The following PLCD4 variants were observed in gnomAD, a reference collection of about 807,000 sequenced individuals.
The protein encoded by PLCD4 is phospholipase C delta 4, also known as 1-phosphatidylinositol 4,5-bisphosphate phosphodiesterase delta-4.
PLCD4 carries 63 observed loss-of-function variants against 90.2 expected under a neutral mutation model. The observed-to-expected ratio is 0.70, with a 90% confidence interval of 0.57 to 0.86. The LOEUF (loss-of-function observed/expected upper bound fraction) is 0.86. Among genes scored for constraint, PLCD4 ranks in the 40% least tolerant of loss-of-function variants. The pLI is 0.00. For synonymous variants in PLCD4, 294 were observed against 356.5 expected, an observed-to-expected ratio of 0.82 and a Z score of 1.97; for missense variants, 830 against 956.3, an observed-to-expected ratio of 0.87 and a Z score of 1.74.
Position 218,632,199 on chromosome 2 carries a change from G to A in PLCD4, c.1336G>A (p.Glu446Lys), listed in dbSNP as rs1421961484. 1 of 1,611,028 alleles carries A rather than the reference G, an allele frequency of 6.2e-7. No individual in the cohort carries two copies. The highest frequency in any genetic ancestry group is 8.5e-7 in the Non-Finnish European group (1 of 1,178,826). The change falls in exon 10 of 16, where the codon GAG becomes AAG. Residue 446 changes from glutamate to lysine, a missense_variant. By Grantham distance (56) the Glu-to-Lys change is moderately conservative. Transcript: ENST00000450993. ...AACACTTGAGGAAGACCTGGAATAT[G>A]AGGAAGAGGAAGCAGAACCTGAGTT... ...KLTLEEDLEY[E>K]EEEAEPELEE...
At position 218,628,133 on chromosome 2, in the gene PLCD4, A is replaced by T. The variant is rs1286556302; in HGVS notation, c.877A>T (p.Thr293Ser). 6.2e-7 allele frequency: 1 copy of T among 1,613,992 alleles called. No homozygotes were observed. Among genetic ancestry groups the T allele is most frequent in the African/African-American group, 1.3e-5 (1 of 75,036 alleles). Residue 293 changes from threonine to serine, a missense_variant, in exon 7 of 16, where the codon ACT (threonine) becomes TCT (serine). By Grantham distance (58) the Thr-to-Ser change is moderately conservative. Coordinates refer to ENST00000450993, the MANE Select transcript of PLCD4 (RefSeq NM_032726.4). ...CTGCCTCCCCATCTATCAGGATATG[A>T]CTCAACCCCTGAACCACTACTTCAT... The part of the protein sequence containing the change: ...PACLPIYQDM[T>S]QPLNHYFICS...
intron 4 of PLCD4, 69 bp downstream of exon 4, chr2:218,618,876 G>A (rs1695750609): frequency 3.4e-6 from 5 of 1,464,282 alleles, no homozygotes; most frequent in African/African-American, 1.4e-5. Flanking sequence ...AGATGCAACA[G>A]GTTTAGGAAA....
intron 3 of PLCD4, among the ~76,000 whole-genome samples, chr2:218,616,722 C>CGT (rs1486582374): frequency 9.0e-6 from 1 of 110,560 alleles, no homozygotes; most frequent in African/African-American, 2.9e-5. Context: ...TACAAAAATA[C>CGT]ATATATACAT....
At position 218,622,079 on chromosome 2, in the gene PLCD4, C is replaced by CAA. The variant is rs35127247; in HGVS notation, c.540+500_540+501dup. The CAA allele has an allele frequency of 3.0e-4, 26 of 85,880 alleles. 1 individual carries two copies. Among genetic ancestry groups the CAA allele is most frequent in the Admixed American group, 4.2e-4 (3 of 7,204 alleles). 5.3% of individuals were successfully genotyped at this position (85,880 alleles called of 1,614,324 possible). On this transcript the variant is annotated intron_variant, in intron 5 of 15. Transcript: ENST00000450993. ...TGGGTGACAGAGCGAGACTCTGTCT[C>CAA]AAAAAAAAAAAAAAAAAAAAAGAAA...
intron 3 of PLCD4, among the ~76,000 whole-genome samples, chr2:218,617,703 C>T (rs1348697888): frequency 6.6e-6 from 1 of 152,140 alleles, no homozygotes; most frequent in Non-Finnish European, 1.5e-5. Context: ...AGACAAATTG[C>T]TCACAATCCA....
chr2:218,621,884 C>A (rs1695895506), intron 5 of PLCD4, among the ~76,000 whole-genome samples: 2 of 151,988 alleles, frequency 1.3e-5, no homozygotes, highest in South Asian at 4.2e-4. Context: ...TCGGGTCCAT[C>A]CTGGTTAACA....
chr2:218,631,155 C>G (rs1278229798), intron 9 of PLCD4, among the ~76,000 whole-genome samples: 2 of 152,086 alleles, frequency 1.3e-5, no homozygotes, highest in African/African-American at 4.8e-5. Flanking sequence ...TAACAAGCAG[C>G]TATCGATAGA....
At chr2:218,610,932 C>T (rs1005114292) in intron 1 of PLCD4, among the ~76,000 whole-genome samples, 7 of 152,146 alleles carry the variant, frequency 4.6e-5, no homozygotes, top group South Asian at 4.2e-4. Context: ...TTCACCATGT[C>T]GGTCAGGCTG....
At chr2:218,631,326 G>A (rs1575035122) in intron 9 of PLCD4, among the ~76,000 whole-genome samples, 1 of 152,028 alleles carries the variant, frequency 6.6e-6, no homozygotes, top group East Asian at 1.9e-4. Context: ...CACCACACCT[G>A]GCTAGTTTTT....
chr2:218,614,076 A>G (rs1695470248), intron 1 of PLCD4, among the ~76,000 whole-genome samples: 1 of 148,838 alleles, frequency 6.7e-6, no homozygotes, highest in African/African-American at 2.5e-5. Context: ...CTGGAGTGCA[A>G]TGGCGTAATC....
At chr2:218,616,974 A>AGAGAGG (rs1695641237) in intron 3 of PLCD4, among the ~76,000 whole-genome samples, 1 of 112,136 alleles carries the variant, frequency 8.9e-6, no homozygotes, top group Admixed American at 9.0e-5. Flanking sequence ...AGAGAGAGAG[A>AGAGAGG]GAGAGAGAGA....
At chr2:218,632,685 T>C (rs897763475) in intron 10 of PLCD4, among the ~76,000 whole-genome samples, 1 of 152,086 alleles carries the variant, frequency 6.6e-6, no homozygotes, top group African/African-American at 2.4e-5. Flanking sequence ...AAACCAGTGA[T>C]GAGCGGGTGT....
intron 1 of PLCD4, among the ~76,000 whole-genome samples, chr2:218,608,768 G>C (rs1695199883): frequency 6.6e-6 from 1 of 152,078 alleles, no homozygotes. Context: ...GTAGATTTTT[G>C]GGTAGGGCTA....
At chr2:218,633,979 C>A in intron 11 of PLCD4, 126 bp from the exon 12 acceptor site, 1 of 1,346,776 alleles carries the variant, frequency 7.4e-7, no homozygotes, top group Non-Finnish European at 1.0e-6. Context: ...TAGAGAGGCA[C>A]AGTGAAACTT....
chr2:218,611,585 T>G (rs922177034), intron 1 of PLCD4, among the ~76,000 whole-genome samples: 5 of 152,072 alleles, frequency 3.3e-5, no homozygotes, highest in South Asian at 2.1e-4. Context: ...TCTCCTAGAG[T>G]CTGAGGACCT....
At chr2:218,612,987 A>G (rs1695410797) in intron 1 of PLCD4, among the ~76,000 whole-genome samples, 2 of 152,190 alleles carry the variant, frequency 1.3e-5, no homozygotes, top group South Asian at 4.1e-4. Flanking sequence ...AAATATAGGG[A>G]GTTGAACTAA....
intron 10 of PLCD4, 118 bp downstream of exon 10, chr2:218,632,430 C>G: frequency 9.9e-7 from 1 of 1,012,010 alleles, no homozygotes; most frequent in South Asian, 1.8e-5. Context: ...ACCCTTCCTC[C>G]CAATGAAGGA....
chr2:218,612,023 G>A (rs1032008098), intron 1 of PLCD4, among the ~76,000 whole-genome samples: 3 of 151,872 alleles, frequency 2.0e-5, no homozygotes, highest in African/African-American at 7.3e-5. Flanking sequence ...CTGCCTCCTG[G>A]GTTCAAGCGA....
At chr2:218,617,869 G>T (rs1386722932) in intron 3 of PLCD4, among the ~76,000 whole-genome samples, 2 of 152,178 alleles carry the variant, frequency 1.3e-5, no homozygotes, top group East Asian at 3.9e-4. Flanking sequence ...GGTGGATCAC[G>T]AGGTCAGGAG....
Sources: allele counts gnomAD v4.1 joint callset (sites outside exome capture counted in the v4.1 genomes callset), GRCh38; gene constraint gnomAD v4.1.1; transcripts MANE v1.5; gene names NCBI Gene and HGNC (gene_info 2026-07-23, HGNC 2026-07-21).